The following PACRG variants were observed in gnomAD, a reference collection of about 807,000 sequenced individuals.
PACRG encodes the protein parkin coregulated.
PACRG carries 29 observed loss-of-function variants against 29.7 expected under a neutral mutation model. The ratio of observed to expected loss-of-function variants is 0.98; its 90% confidence interval spans 0.73 to 1.33. The LOEUF (loss-of-function observed/expected upper bound fraction) is 1.33. PACRG is among the 40% of genes most tolerant of loss of function. The pLI, the probability that PACRG is intolerant of heterozygous loss-of-function variation, is 0.00. For synonymous variants in PACRG, 116 were observed against 118.7 expected (o/e 0.98, Z 0.15); for missense variants, 279 against 316.2 (o/e 0.88, Z 0.89).
At chr6:163,203,117 G>A (rs1316378704) in intron 4 of PACRG, among the ~76,000 whole-genome samples, 4 of 152,060 alleles carry the variant, frequency 2.6e-5, no homozygotes, top group African/African-American at 9.7e-5. Context: ...CACTGTAGAT[G>A]GGACCAGGCA....
At chr6:163,177,737 T>TTTTTTTG (rs1779447560) in intron 4 of PACRG, among the ~76,000 whole-genome samples, 4 of 141,814 alleles carry the variant, frequency 2.8e-5, no homozygotes, top group African/African-American at 1.1e-4. Flanking sequence ...TTTTTTTTTT[T>TTTTTTTG]GCGGGTGGGA....
intron 2 of PACRG, among the ~76,000 whole-genome samples, chr6:163,000,396 G>A (rs770083361): frequency 2.6e-4 from 39 of 152,216 alleles, no homozygotes; most frequent in African/African-American, 7.7e-4. Context: ...CTGGGCTTTC[G>A]AGTGAGGGAA....
intron 2 of PACRG, among the ~76,000 whole-genome samples, chr6:162,982,742 A>G (rs1005791349): frequency 6.6e-6 from 1 of 151,940 alleles, no homozygotes; most frequent in Non-Finnish European, 1.5e-5. Flanking sequence ...TATCTTGGAG[A>G]ATGTTCCATG....
At chr6:163,241,507 T>A (rs1420652188) in intron 4 of PACRG, among the ~76,000 whole-genome samples, 5 of 152,192 alleles carry the variant, frequency 3.3e-5, no homozygotes, top group African/African-American at 1.2e-4. Context: ...CCTCATACCC[T>A]GCACTGTTTT....
chr6:162,796,246 C>G (rs1004697674), intron 1 of PACRG, among the ~76,000 whole-genome samples: 2 of 152,024 alleles, frequency 1.3e-5, no homozygotes, highest in Non-Finnish European at 2.9e-5. Context: ...TTCTTTATTT[C>G]TTCATTTTCA....
rs569760691 is a variant in PACRG, at chr6:163,258,440, T to C, written c.614-56387T>C. Among the ~76,000 whole-genome samples the C allele has an allele frequency of 2.6e-5, 4 of 152,298 alleles. No homozygotes were observed. In the East Asian group the frequency reaches 7.7e-4, roughly 29 times the overall value. Reference sequence around the variant, plus strand: ...TTATTTTTATGATTAGGGATCTGCTTGATTTGGGTGACATCCTCATTAAAA... The same window carrying C: ...TTATTTTTATGATTAGGGATCTGCTCGATTTGGGTGACATCCTCATTAAAA... On this transcript the variant is annotated intron_variant, in intron 4 of 4. Transcript: ENST00000366888.
chr6:162,887,950 C>T (rs561613568), intron 2 of PACRG, among the ~76,000 whole-genome samples: 5 of 152,188 alleles, frequency 3.3e-5, no homozygotes, highest in South Asian at 2.1e-4. Context: ...TTATTTCTCC[C>T]GGTTCTGGGG....
intron 2 of PACRG, among the ~76,000 whole-genome samples, chr6:162,959,474 C>T (rs796694935): frequency 1.8e-4 from 28 of 152,178 alleles, no homozygotes; most frequent in African/African-American, 5.8e-4. Context: ...AGGTCAGTGT[C>T]CCCAGCATGG....
intron 2 of PACRG, among the ~76,000 whole-genome samples, chr6:163,041,568 GTCC>G (rs1808727631): frequency 6.6e-6 from 1 of 152,084 alleles, no homozygotes; most frequent in Non-Finnish European, 1.5e-5. Context: ...AGTTTCCTGA[GTCC>G]TCCCCAGTCA....
chr6:162,773,306 C>A (rs1783364703), intron 1 of PACRG, among the ~76,000 whole-genome samples: 1 of 151,954 alleles, frequency 6.6e-6, no homozygotes, highest in South Asian at 2.1e-4. Flanking sequence ...TTACAAAATT[C>A]TGTCATGGTT....
intron 2 of PACRG, among the ~76,000 whole-genome samples, chr6:162,830,700 G>C (rs554063558): frequency 6.6e-6 from 1 of 152,210 alleles, no homozygotes; most frequent in African/African-American, 2.4e-5. Flanking sequence ...AAGTGTGCAG[G>C]CATGGTGGGG....
intron 4 of PACRG, among the ~76,000 whole-genome samples, chr6:163,143,505 G>T (rs1777639608): frequency 6.6e-6 from 1 of 152,212 alleles, no homozygotes; most frequent in Non-Finnish European, 1.5e-5. Context: ...TTAGCGCAGA[G>T]TTCTTGGCCT....
chr6:163,222,288 C>A (rs149107323), intron 4 of PACRG, among the ~76,000 whole-genome samples: 1 of 152,144 alleles, frequency 6.6e-6, no homozygotes, highest in Non-Finnish European at 1.5e-5. Flanking sequence ...GTGTTCCTGG[C>A]GATGCTGTGA....
chr6:163,081,095 C>G (rs975242738), intron 3 of PACRG, among the ~76,000 whole-genome samples: 1 of 152,000 alleles, frequency 6.6e-6, no homozygotes, highest in Non-Finnish European at 1.5e-5. Context: ...ATTTTGAAAT[C>G]TAAATTTGGT....
At chr6:162,756,604 T>G (rs1390842111) in intron 1 of PACRG, among the ~76,000 whole-genome samples, 1 of 152,172 alleles carries the variant, frequency 6.6e-6, no homozygotes, top group African/African-American at 2.4e-5. Flanking sequence ...ATTTAGATTC[T>G]CTGAGTCTTT....
intron 4 of PACRG, among the ~76,000 whole-genome samples, chr6:163,185,486 T>G (rs1031551577): frequency 2.6e-5 from 4 of 152,166 alleles, no homozygotes; most frequent in African/African-American, 9.7e-5. Flanking sequence ...ACTTCAACAC[T>G]TGGTAAATTT....
chr6:162,785,559 C>A, intron 1 of PACRG, among the ~76,000 whole-genome samples: 1 of 141,420 alleles, frequency 7.1e-6, no homozygotes, highest in African/African-American at 2.7e-5. Context: ...AGTTTTTGCA[C>A]AGACGGCCAG....
rs936287294 is a variant in PACRG, at chr6:162,854,067, A to G, written c.291+39786A>G. 3.3e-5 allele frequency among the ~76,000 whole-genome samples: 5 copies of G among 152,012 alleles called. No individual in the cohort carries two copies. In the East Asian group the frequency reaches 7.7e-4, roughly 23 times the overall value. Reference sequence around the variant, plus strand: ...TATGTCCATAAATTTTACTTCCCACATATTTTGACTTAAACTATAGTTTTT... The same window carrying G: ...TATGTCCATAAATTTTACTTCCCACGTATTTTGACTTAAACTATAGTTTTT... On this transcript the variant is annotated intron_variant, in intron 2 of 4. Coordinates refer to ENST00000366888, the MANE Select transcript of PACRG (RefSeq NM_001080379.2).
intron 1 of PACRG, among the ~76,000 whole-genome samples, chr6:162,798,461 A>C (rs577912421): frequency 2.4e-4 from 37 of 152,198 alleles, no homozygotes; most frequent in African/African-American, 8.9e-4. Flanking sequence ...TTCCTCCCAC[A>C]TAGCTTGTGC....
Sources: allele counts gnomAD v4.1 joint callset (sites outside exome capture counted in the v4.1 genomes callset), GRCh38; gene constraint gnomAD v4.1.1; transcripts MANE v1.5; gene names NCBI Gene and HGNC (gene_info 2026-07-23, HGNC 2026-07-21).